ZNF474: variants seen among roughly 807,000 people sequenced by gnomAD.
ZNF474 encodes zinc finger protein 474.
For synonymous variants in ZNF474, 192 were observed against 162.2 expected (o/e 1.18, Z -1.39); for missense variants, 511 against 433.8 (o/e 1.18, Z -1.58).
chr5:122,143,043 T>C (rs565249344), intron 1 of ZNF474, among the ~76,000 whole-genome samples: 2 of 152,258 alleles, frequency 1.3e-5, no homozygotes, highest in East Asian at 3.9e-4. Context: ...TTGATGTCTG[T>C]AATGAATGGT....
At chr5:122,132,280 C>T in intron 1 of ZNF474, among the ~76,000 whole-genome samples, 1 of 151,922 alleles carries the variant, frequency 6.6e-6, no homozygotes, top group Non-Finnish European at 1.5e-5. Flanking sequence ...ATGAGTAAAG[C>T]TACTGTAAAC....
At position 122,152,781 on chromosome 5, in the gene ZNF474, A is replaced by G. The variant is rs1419762235; in HGVS notation, c.791A>G (p.Gln264Arg). Reference sequence around the variant, plus strand: ...GTGGAGCTCCACCAGCCACTCCCACAGAAGCCTCAGCCCCTTCCGAATGCA... The same window carrying G: ...GTGGAGCTCCACCAGCCACTCCCACGGAAGCCTCAGCCCCTTCCGAATGCA... ...LPVELHQPLP[Q>R]KPQPLPNAQS... The change falls in exon 2 of 2, where the codon CAG becomes CGG. Residue 264 changes from glutamine to arginine, a missense_variant. Physicochemically the swap from Gln to Arg is conservative, Grantham distance 43 (BLOSUM62 1). Coordinates refer to ENST00000296600, the MANE Select transcript of ZNF474 (RefSeq NM_207317.3). The G allele has an allele frequency of 1.5e-5, 24 of 1,614,100 alleles. No homozygotes were observed. Among genetic ancestry groups the G allele is most frequent in the Non-Finnish European group, 2.0e-5 (24 of 1,180,052 alleles).
intron 1 of ZNF474, among the ~76,000 whole-genome samples, chr5:122,130,440 A>G (rs1268268410): frequency 6.6e-6 from 1 of 152,104 alleles, no homozygotes; most frequent in Non-Finnish European, 1.5e-5. Context: ...TACCATATAT[A>G]TTATATTGTC....
At chr5:122,146,247 T>C (rs1755986248) in intron 1 of ZNF474, among the ~76,000 whole-genome samples, 1 of 152,080 alleles carries the variant, frequency 6.6e-6, no homozygotes, top group Admixed American at 6.6e-5. Flanking sequence ...AAGCTAAATA[T>C]AGAAAAGAAG....
At chr5:122,131,727 G>A (rs1755582419) in intron 1 of ZNF474, among the ~76,000 whole-genome samples, 1 of 152,010 alleles carries the variant, frequency 6.6e-6, no homozygotes. Context: ...TGTCACAGTG[G>A]TCATAATTTG....
intron 1 of ZNF474, among the ~76,000 whole-genome samples, chr5:122,140,319 T>C (rs1308989259): frequency 1.3e-5 from 2 of 152,202 alleles, no homozygotes; most frequent in African/African-American, 4.8e-5. Context: ...CTCAGTAGAT[T>C]GTATCAACAT....
Position 122,152,741 on chromosome 5 carries a change from A to C in ZNF474, c.751A>C (p.Asn251His), listed in dbSNP as rs1355437625. The change falls in exon 2 of 2, where the codon AAT becomes CAT. Residue 251 changes from asparagine (N) to histidine (H), a missense_variant. Asn to His is a moderately conservative substitution (Grantham distance 68, BLOSUM62 1). Transcript: ENST00000296600. The stretch of plus-strand genomic sequence containing the variant: ...ATGCCTGGAAAAGTGGAAAATGGAA[A>C]ATGACCGGCTCCCTGTGGAGCTCCA... The part of the protein sequence containing the change: ...PKCLEKWKME[N>H]DRLPVELHQP... 1 of 1,614,080 alleles carries C rather than the reference A, an allele frequency of 6.2e-7. No individual in the cohort carries two copies. The highest frequency in any genetic ancestry group is 8.5e-7 in the Non-Finnish European group (1 of 1,180,018).
intron 1 of ZNF474, among the ~76,000 whole-genome samples, chr5:122,147,661 G>A (rs569776300): frequency 4.9e-4 from 74 of 152,188 alleles, no homozygotes; most frequent in African/African-American, 1.7e-3. Context: ...TGCTCAGAAT[G>A]ATGGTTTCCA....
chr5:122,143,684 G>C (rs920217170), intron 1 of ZNF474, among the ~76,000 whole-genome samples: 3 of 152,156 alleles, frequency 2.0e-5, no homozygotes, highest in Non-Finnish European at 4.4e-5. Flanking sequence ...CCACAAGGAA[G>C]CATAATTCTC....
chr5:122,138,380 G>C (rs958823997), intron 1 of ZNF474, among the ~76,000 whole-genome samples: 36 of 152,102 alleles, frequency 2.4e-4, no homozygotes, highest in Non-Finnish European at 1.3e-4. Context: ...GAAGAGCTGA[G>C]GCAAAGGCAA....
At chr5:122,137,653 G>A (rs1328416157) in intron 1 of ZNF474, among the ~76,000 whole-genome samples, 1 of 152,022 alleles carries the variant, frequency 6.6e-6, no homozygotes, top group Non-Finnish European at 1.5e-5. Flanking sequence ...TGACTTGCCT[G>A]AGGAACTGAG....
At chr5:122,129,929 G>A (rs1263139145) in intron 1 of ZNF474, among the ~76,000 whole-genome samples, 3 of 152,108 alleles carry the variant, frequency 2.0e-5, no homozygotes, top group Non-Finnish European at 4.4e-5. Context: ...AACAATAAAT[G>A]TCATTTTACT....
chr5:122,141,256 T>A (rs1755837397), intron 1 of ZNF474, among the ~76,000 whole-genome samples: 1 of 150,562 alleles, frequency 6.6e-6, no homozygotes, highest in Non-Finnish European at 1.5e-5. Flanking sequence ...GTTCAAGCTA[T>A]TCTCATGCTT....
At chr5:122,150,251 A>G (rs61433423) in intron 1 of ZNF474, among the ~76,000 whole-genome samples, 185 of 152,036 alleles carry the variant, frequency 1.2e-3, no homozygotes, top group African/African-American at 4.2e-3. Context: ...TCTCTGTTTT[A>G]TTTTCTATGC....
intron 1 of ZNF474, among the ~76,000 whole-genome samples, chr5:122,149,416 T>C (rs1410006521): frequency 6.6e-6 from 1 of 152,200 alleles, no homozygotes; most frequent in Non-Finnish European, 1.5e-5. Context: ...CACTCCTCCT[T>C]CTTGCCTCTT....
chr5:122,139,606 TG>T lies in ZNF474; in HGVS notation c.-213+9925del, dbSNP rs1268589833. On this transcript the variant is annotated intron_variant, in intron 1 of 1. Coordinates refer to ENST00000296600, the MANE Select transcript of ZNF474 (RefSeq NM_207317.3). ...TCTGTGTATTTTTTCCATATAATTA[TG>T]GTACTATAAGATCCTGGTATTTGAA... is the stretch of plus-strand genomic sequence containing the variant. Among the ~76,000 whole-genome samples the T allele has an allele frequency of 4.6e-5, 7 of 152,312 alleles. No homozygotes were observed. The East Asian group carries it at 1.2e-3, about 25-fold the overall frequency.
At chr5:122,151,382 T>C (rs2152607024) in intron 1 of ZNF474, among the ~76,000 whole-genome samples, 1 of 152,274 alleles carries the variant, frequency 6.6e-6, no homozygotes, top group Admixed American at 6.5e-5. Flanking sequence ...CAGGGGGTCT[T>C]TTCGTATGAC....
chr5:122,140,014 G>C (rs1222293340), intron 1 of ZNF474, among the ~76,000 whole-genome samples: 1 of 152,144 alleles, frequency 6.6e-6, no homozygotes, highest in Non-Finnish European at 1.5e-5. Context: ...TAGGCCAATG[G>C]AATTCTCTGA....
At chr5:122,147,253 G>A (rs370491766) in intron 1 of ZNF474, among the ~76,000 whole-genome samples, 1 of 152,082 alleles carries the variant, frequency 6.6e-6, no homozygotes, top group Admixed American at 6.6e-5. Context: ...CTTGATCAGA[G>A]CCACCATCAG....
Sources: gnomAD v4.1 joint callset for allele counts (sites outside exome capture counted in the v4.1 genomes callset) on GRCh38, gnomAD v4.1.1 for gene constraint, MANE v1.5 for transcripts, NCBI Gene and HGNC (gene_info 2026-07-23, HGNC 2026-07-21) for gene names.